The following PDGFRA variants were observed in gnomAD, a reference collection of about 807,000 sequenced individuals.
The protein encoded by PDGFRA is platelet-derived growth factor receptor alpha.
Under a neutral mutation model 121.5 loss-of-function variants are expected in PDGFRA, and 25 were observed. The observed-to-expected ratio is 0.21, with a 90% confidence interval of 0.15 to 0.29. The LOEUF (loss-of-function observed/expected upper bound fraction) is 0.29. Ranked by LOEUF, PDGFRA falls within the 10% of genes least tolerant of loss-of-function variation. The pLI is 1.00. For missense variants in PDGFRA, 1,008 were observed against 1,345.1 expected (o/e 0.75, Z 3.92); for synonymous variants, 463 against 494.8 (o/e 0.94, Z 0.85).
intron 6 of PDGFRA, 28 bp downstream of exon 6, chr4:54,267,488 T>C (rs1337302858): frequency 6.2e-7 from 1 of 1,613,964 alleles, no homozygotes; most frequent in Non-Finnish European, 8.5e-7. Flanking sequence ...AAATGTCAGT[T>C]GTCCATGCTG....
At chr4:54,290,274 G>T in intron 21 of PDGFRA, 39 bp from the exon 22 acceptor site, 1 of 1,552,674 alleles carries the variant, frequency 6.4e-7, no homozygotes, top group Non-Finnish European at 8.9e-7. Context: ...AGGTTTGGTT[G>T]TTAACACTTG....
At position 54,267,418 on chromosome 4, in the gene PDGFRA, A is replaced by C. The variant is rs765319021; in HGVS notation, c.889A>C (p.Arg297=). Residue 297 remains arginine, a synonymous_variant, in exon 6 of 23, where the codon AGG becomes CGG. Coordinates refer to ENST00000257290, the MANE Select transcript of PDGFRA (RefSeq NM_006206.6). ...DYECAARQAT[R]EVKEMKKVTI... The stretch of plus-strand genomic sequence containing the variant: ...CGAATGTGCTGCCCGCCAGGCTACC[A>C]GGGAGGTCAAAGAAATGAAGAAAGT... The C allele has an allele frequency of 6.2e-7, 1 of 1,614,206 alleles. No individual in the cohort carries two copies. The highest frequency in any genetic ancestry group is 8.5e-7 in the Non-Finnish European group (1 of 1,180,032).
At position 54,246,473 on chromosome 4, in the gene PDGFRA, T is replaced by A. The variant is rs186273251; in HGVS notation, c.-12-12284T>A. ...AACCTGCTCCTGAATGACTACTGGG[T>A]ACATAACGAAATGAAGGCAGAAATA... On this transcript the variant is annotated intron_variant, in intron 1 of 22. Transcript: ENST00000257290. 1.6e-3 allele frequency among the ~76,000 whole-genome samples: 241 copies of A among 152,202 alleles called. 1 individual carries two copies. The highest frequency in any genetic ancestry group is 3.0e-3 in the Admixed American group (46 of 15,272).
intron 14 of PDGFRA, 106 bp from the exon 15 acceptor site, chr4:54,278,256 T>C (rs1723859759): frequency 1.3e-6 from 1 of 777,296 alleles, no homozygotes; most frequent in Non-Finnish European, 2.1e-6. Context: ...AAAAAAAACT[T>C]TTTTGGTATC....
At chr4:54,274,700 G>A (rs2110297828) in intron 11 of PDGFRA, 75 bp downstream of exon 11, 1 of 1,440,030 alleles carries the variant, frequency 6.9e-7, no homozygotes. Flanking sequence ...TCAGTGCTTG[G>A]CACAGAGAAG....
rs1030134546 is a variant in PDGFRA at position 54,273,806 on chromosome 4, G to C, written c.1558+76G>C. 1.3e-5 allele frequency: 16 copies of C among 1,222,408 alleles called. No individual in the cohort carries two copies. In the South Asian group the frequency reaches 1.5e-4, roughly 11 times the overall value. The allele number at this position is 1,222,408 out of a possible 1,614,324, so 75.7% of individuals were successfully genotyped here. On this transcript the variant is annotated intron_variant, in intron 10 of 22. Transcript: ENST00000257290. Reference sequence around the variant, plus strand: ...CAGGCGGAACTTTGAATCCCAGATAGGGGTTATATAGAAATGAAGGTCCCA... The same window carrying C: ...CAGGCGGAACTTTGAATCCCAGATACGGGTTATATAGAAATGAAGGTCCCA...
chr4:54,243,425 A>T (rs1176152308), intron 1 of PDGFRA: 1 of 152,232 alleles, frequency 6.6e-6, no homozygotes, highest in Non-Finnish European at 1.5e-5. Flanking sequence ...GTGCCAGTAT[A>T]GTTTTTTATT....
intron 1 of PDGFRA, among the ~76,000 whole-genome samples, chr4:54,249,444 G>C (rs1434329848): frequency 3.3e-5 from 5 of 152,276 alleles, no homozygotes; most frequent in African/African-American, 9.6e-5. Flanking sequence ...CCATGGAATA[G>C]TATGCAGCCA....
intron 14 of PDGFRA, 85 bp from the exon 15 acceptor site, chr4:54,278,277 C>G (rs2110313854): frequency 6.9e-5 from 60 of 872,744 alleles, no homozygotes; most frequent in Non-Finnish European, 1.0e-4. Flanking sequence ...TTATTTTTTT[C>G]TGTGCCATAT....
In PDGFRA at chr4:54,234,165, G is replaced by GTGATGGGGATGA. The variant is rs756140194; in HGVS notation, c.-13+4765_-13+4776dup. On this transcript the variant is annotated intron_variant, in intron 1 of 22. Coordinates refer to ENST00000257290, the MANE Select transcript of PDGFRA (RefSeq NM_006206.6). The stretch of plus-strand genomic sequence containing the variant: ...CGCTGCCCCGGCGCACCAGCTCCCG[G>GTGATGGGGATGA]TGATGGGGATGATGATGGGGATGAT... Among the ~76,000 whole-genome samples, 303 of 152,348 alleles carry GTGATGGGGATGA rather than the reference G, an allele frequency of 2.0e-3. 1 individual carries two copies. Among genetic ancestry groups the GTGATGGGGATGA allele is most frequent in the Middle Eastern group, 3.4e-3 (1 of 294 alleles).
intron 11 of PDGFRA, 90 bp downstream of exon 11, chr4:54,274,715 T>C (rs1173840338): frequency 7.0e-7 from 1 of 1,430,008 alleles, no homozygotes; most frequent in Non-Finnish European, 9.9e-7. Context: ...GAGAAGGAGC[T>C]CAGCAATTAC....
chr4:54,263,570 C>A (rs1722865681), intron 3 of PDGFRA, 97 bp from the exon 4 acceptor site: 1 of 1,154,530 alleles, frequency 8.7e-7, no homozygotes, highest in Non-Finnish European at 1.3e-6. Flanking sequence ...GAACTTCATA[C>A]CTAATATCAA....
At chr4:54,260,945 T>A (rs1309991521) in intron 2 of PDGFRA, 150 bp from the exon 3 acceptor site, 7 of 667,444 alleles carry the variant, frequency 1.0e-5, no homozygotes, top group Admixed American at 7.8e-5. Flanking sequence ...GCTGTTATAA[T>A]GGGGGAGCTT....
chr4:54,298,112 A>G lies in PDGFRA; in HGVS notation c.*2840A>G, dbSNP rs886059462. 6 of 219,910 alleles carry G rather than the reference A, an allele frequency of 2.7e-5. No individual in the cohort carries two copies. The highest frequency in any genetic ancestry group is 1.8e-4 in the South Asian group (1 of 5,422). 13.6% of individuals were successfully genotyped at this position (219,910 alleles called of 1,614,324 possible). On this transcript the variant is annotated 3_prime_UTR_variant, in exon 23 of 23. Transcript: ENST00000257290. ...TGTTCCCAAAACAATGGTGTGGTGA[A>G]TGTGTGAGAAAAACTAACTTGATAG... is the stretch of plus-strand genomic sequence containing the variant.
intron 1 of PDGFRA, among the ~76,000 whole-genome samples, chr4:54,242,028 G>A (rs2110191005): frequency 6.6e-6 from 1 of 152,208 alleles, no homozygotes; most frequent in East Asian, 1.9e-4. Context: ...CCTTGAAAAG[G>A]TATAGCCTTT....
chr4:54,255,352 A>G (rs940216399), intron 1 of PDGFRA, among the ~76,000 whole-genome samples: 5 of 152,124 alleles, frequency 3.3e-5, no homozygotes, highest in Admixed American at 3.3e-4. Context: ...AATAAAGCAG[A>G]ATTCTGATTT....
rs184880506 is a variant in PDGFRA at position 54,233,820 on chromosome 4, C to A, written c.-13+4405C>A. Among the ~76,000 whole-genome samples the A allele has an allele frequency of 6.1e-3, 929 of 152,370 alleles. 6 individuals are homozygous for A. The highest frequency in any genetic ancestry group is 0.02 in the African/African-American group (843 of 41,598). ...GCCCCTCGCCAGCTCCCTTGCCCCG[C>A]GGGCGGCCTGTTGCTGTTTGTTTGT... On this transcript the variant is annotated intron_variant, in intron 1 of 22. Coordinates refer to ENST00000257290, the MANE Select transcript of PDGFRA (RefSeq NM_006206.6).
intron 1 of PDGFRA, among the ~76,000 whole-genome samples, chr4:54,254,562 C>T (rs1323575315): frequency 3.3e-5 from 5 of 152,106 alleles, no homozygotes; most frequent in African/African-American, 7.2e-5. Flanking sequence ...CTTTTAAGCT[C>T]GAGAATGCTT....
At position 54,290,563 on chromosome 4, in the gene PDGFRA, G is replaced by T; in HGVS notation, c.3122+9G>T. The T allele has an allele frequency of 6.2e-7, 1 of 1,614,078 alleles. No individual in the cohort carries two copies. Among genetic ancestry groups the T allele is most frequent in the Non-Finnish European group, 8.5e-7 (1 of 1,180,000 alleles). On this transcript the variant is annotated intron_variant, in intron 22 of 22. Transcript: ENST00000257290. Reference sequence around the variant, plus strand: ...AAGAGGAACAGACACAGGTAGCTGTGGGGGCAGCCTCGGTGTCTCACCTTT... The same window carrying T: ...AAGAGGAACAGACACAGGTAGCTGTTGGGGCAGCCTCGGTGTCTCACCTTT...
Sources: allele counts gnomAD v4.1 joint callset (sites outside exome capture counted in the v4.1 genomes callset), GRCh38; gene constraint gnomAD v4.1.1; transcripts MANE v1.5; gene names NCBI Gene and HGNC (gene_info 2026-07-23, HGNC 2026-07-21).